Variants in TRAPPC9 observed in about 807,000 individuals in gnomAD.
The protein encoded by TRAPPC9 is trafficking protein particle complex subunit 9.
TRAPPC9 carries 83 observed loss-of-function variants against 124.0 expected under a neutral mutation model. The observed-to-expected ratio is 0.67, with a 90% CI of 0.56 to 0.80. TRAPPC9 has a LOEUF of 0.80. Among genes scored for constraint, TRAPPC9 ranks in the 30% least tolerant of loss-of-function variants. The pLI, the probability that TRAPPC9 is intolerant of heterozygous loss-of-function variation, is 0.00. For missense variants in TRAPPC9, 1,302 were observed against 1,508.3 expected (o/e 0.86, Z 2.27); for synonymous variants, 638 against 617.5 (o/e 1.03, Z -0.49).
At chr8:140,112,748 C>T (rs1452556693) in intron 17 of TRAPPC9, among the ~76,000 whole-genome samples, 1 of 152,088 alleles carries the variant, frequency 6.6e-6, no homozygotes, top group Non-Finnish European at 1.5e-5. Context: ...AATAGGTGGC[C>T]TTGCAGATCA....
At chr8:139,787,971 T>G (rs906423248) in intron 21 of TRAPPC9, among the ~76,000 whole-genome samples, 11 of 152,092 alleles carry the variant, frequency 7.2e-5, no homozygotes, top group Non-Finnish European at 1.2e-4. Flanking sequence ...TTGTGGGAAG[T>G]GAGACTAGGA....
intron 19 of TRAPPC9, among the ~76,000 whole-genome samples, chr8:139,971,053 A>C (rs1013563242): frequency 1.6e-4 from 24 of 151,250 alleles, no homozygotes; most frequent in African/African-American, 5.8e-4. Flanking sequence ...CACATCCCGG[A>C]ATCCACCTCT....
At position 140,120,541 on chromosome 8, in the gene TRAPPC9, CA is replaced by C. The variant is rs1387460644; in HGVS notation, c.2557-96463del. On this transcript the variant is annotated intron_variant, in intron 17 of 22. Transcript: ENST00000438773. ...TCTATCCATCCAACAACCATTCATC[CA>C]TCTATCCAACATCCATCCATCCATC... Among the ~76,000 whole-genome samples, 7 of 152,330 alleles carry C rather than the reference CA, an allele frequency of 4.6e-5. No homozygotes were observed. In the East Asian group the frequency reaches 1.3e-3, roughly 29 times the overall value.
chr8:140,193,070 C>G (rs1409006682), intron 17 of TRAPPC9, among the ~76,000 whole-genome samples: 1 of 152,212 alleles, frequency 6.6e-6, no homozygotes, highest in Non-Finnish European at 1.5e-5. Flanking sequence ...CCATGCCCAG[C>G]TGAATGGCTG....
chr8:140,394,841 C>G (rs1417313058), intron 7 of TRAPPC9, among the ~76,000 whole-genome samples: 1 of 152,198 alleles, frequency 6.6e-6, no homozygotes, highest in African/African-American at 2.4e-5. Context: ...CAGAGAACAC[C>G]TCCTCCGGGA....
rs1370344906 is a variant in TRAPPC9, at chr8:140,257,515, G to C, written c.2279-4586C>G. The stretch of plus-strand genomic sequence containing the variant: ...CCAGGAGTGGGAAAAAGGACCCCGT[G>C]CCATGCGAGCGCACAGGGGAGGGAG... On this transcript the variant is annotated intron_variant, in intron 15 of 22. Transcript: ENST00000438773. The surrounding 1 kb of genome is among the most constrained non-coding windows in gnomAD (Gnocchi z 4.6). Among the ~76,000 whole-genome samples, 1 of 152,218 alleles carries C rather than the reference G, an allele frequency of 6.6e-6. No homozygotes were observed. The highest frequency in any genetic ancestry group is 1.5e-5 in the Non-Finnish European group (1 of 68,040).
chr8:140,456,421 A>G (rs1051078552), intron 1 of TRAPPC9, among the ~76,000 whole-genome samples: 8 of 152,138 alleles, frequency 5.3e-5, no homozygotes, highest in Admixed American at 2.6e-4. Context: ...CAAAAAAAAA[A>G]AAAAAAGAAA....
intron 17 of TRAPPC9, among the ~76,000 whole-genome samples, chr8:140,027,716 T>G (rs1197086977): frequency 6.6e-6 from 1 of 151,878 alleles, no homozygotes; most frequent in Non-Finnish European, 1.5e-5. Flanking sequence ...AGAAAAGAGG[T>G]TTAATTGACT....
chr8:139,908,290 C>G (rs1157807405), intron 20 of TRAPPC9, among the ~76,000 whole-genome samples: 1 of 152,220 alleles, frequency 6.6e-6, no homozygotes, highest in Non-Finnish European at 1.5e-5. Context: ...TGGCGCTGAG[C>G]TGGGGCTGCA....
intron 16 of TRAPPC9, among the ~76,000 whole-genome samples, chr8:140,247,667 A>G (rs2064019815): frequency 6.6e-6 from 1 of 151,874 alleles, no homozygotes; most frequent in African/African-American, 2.4e-5. Context: ...AGATATATGT[A>G]TGTATATATG....
At chr8:139,890,192 G>C (rs1366820937) in intron 20 of TRAPPC9, among the ~76,000 whole-genome samples, 4 of 152,240 alleles carry the variant, frequency 2.6e-5, no homozygotes, top group Non-Finnish European at 5.9e-5. Flanking sequence ...TTGGATGTCC[G>C]GGGTGTTTGG....
At chr8:140,150,326 G>A in intron 17 of TRAPPC9, among the ~76,000 whole-genome samples, 1 of 152,156 alleles carries the variant, frequency 6.6e-6, no homozygotes, top group Non-Finnish European at 1.5e-5. Flanking sequence ...GCAGGCACCT[G>A]TAATCCCAGC....
chr8:139,772,259 G>A (rs750860385), intron 21 of TRAPPC9, among the ~76,000 whole-genome samples: 9 of 152,244 alleles, frequency 5.9e-5, no homozygotes, highest in Non-Finnish European at 8.8e-5. Context: ...CTACAGGCCC[G>A]TGCAGGGCAG....
rs189220285 is a variant in TRAPPC9 at position 140,190,231 on chromosome 8, G to A, written c.2556+31228C>T. ...AGCACTTTGGGAGGCTGAGGCTGGA[G>A]GATCACTTGAGGTCAGGAGTTCGAG... On this transcript the variant is annotated intron_variant, in intron 17 of 22. Coordinates refer to ENST00000438773, the MANE Select transcript of TRAPPC9 (RefSeq NM_001160372.4). 8.5e-5 allele frequency among the ~76,000 whole-genome samples: 13 copies of A among 152,282 alleles called. No individual in the cohort carries two copies. In the East Asian group the frequency reaches 2.1e-3, roughly 25 times the overall value.
rs142119289 is a variant in TRAPPC9, at chr8:139,758,703, A to G, written c.3056-26501T>C. Among the ~76,000 whole-genome samples the G allele has an allele frequency of 9.8e-4, 150 of 152,362 alleles. 6 individuals carry two copies. The East Asian group carries it at 0.027, about 27-fold the overall frequency. The stretch of plus-strand genomic sequence containing the variant: ...AAGAAAACCTTGTGTCAGAAGGTGA[A>G]GGCGGTTGGGGCAGGCTGAGGAAGC... On this transcript the variant is annotated intron_variant, in intron 21 of 22. Transcript: ENST00000438773.
chr8:140,264,305 T>C (rs533120471), intron 15 of TRAPPC9, among the ~76,000 whole-genome samples: 2 of 152,150 alleles, frequency 1.3e-5, no homozygotes, highest in Non-Finnish European at 2.9e-5. Flanking sequence ...CCTCCCAAGG[T>C]GCTTCTCGCA....
intron 17 of TRAPPC9, among the ~76,000 whole-genome samples, chr8:140,183,114 A>G (rs1429280098): frequency 2.6e-5 from 4 of 152,084 alleles, no homozygotes; most frequent in Admixed American, 2.6e-4. Flanking sequence ...TCCTTCAGGG[A>G]CACAATGATG....
intron 17 of TRAPPC9, among the ~76,000 whole-genome samples, chr8:140,207,211 C>A: frequency 6.6e-6 from 1 of 152,192 alleles, no homozygotes; most frequent in Non-Finnish European, 1.5e-5. Flanking sequence ...GTAACCCGTC[C>A]ACTCTAACAA....
chr8:140,366,863 C>T (rs1410277161), intron 8 of TRAPPC9, among the ~76,000 whole-genome samples: 2 of 152,098 alleles, frequency 1.3e-5, no homozygotes, highest in African/African-American at 4.8e-5. Flanking sequence ...ATAGAAAAAA[C>T]TCTTAAAGTC....
Sources: allele counts gnomAD v4.1 joint callset (sites outside exome capture counted in the v4.1 genomes callset), GRCh38; gene constraint gnomAD v4.1.1; non-coding constraint Gnocchi (gnomAD v3.1); transcripts MANE v1.5; gene names NCBI Gene and HGNC (gene_info 2026-07-23, HGNC 2026-07-21).